Variants in BCOR observed in about 807,000 individuals in gnomAD.
BCOR encodes the protein BCL-6 corepressor.
In BCOR, 10 loss-of-function variants were observed where a neutral mutation model predicts 86.7. The ratio of observed to expected loss-of-function variants is 0.12; its 90% CI spans 0.07 to 0.20. The LOEUF (loss-of-function observed/expected upper bound fraction) is 0.20, where lower values mean the gene tolerates loss of function less well. Among genes scored for constraint, BCOR ranks in the 10% least tolerant of loss-of-function variants. BCOR has a pLI of 1.00. For synonymous variants in BCOR, 611 were observed against 609.0 expected (o/e 1.00, Z -0.05); for missense variants, 1,259 against 1,452.1 (o/e 0.87, Z 2.16).
intron 1 of BCOR, among the ~76,000 whole-genome samples, chrX:40,090,237 C>G (rs1489183003): frequency 8.8e-6 from 1 of 113,172 alleles, no homozygotes; most frequent in Non-Finnish European, 1.9e-5. Flanking sequence ...GCAGTGCGAC[C>G]GAGTGTGCAG....
chrX:40,054,333 T>C lies in BCOR; in HGVS notation c.4742A>G (p.Asp1581Gly). 1 of 1,194,419 alleles carries C rather than the reference T, an allele frequency of 8.4e-7. No individual in the cohort carries two copies. Among genetic ancestry groups the C allele is most frequent in the Non-Finnish European group, 1.1e-6 (1 of 881,349 alleles). ...HSELMEKFLT[D>G]YLNDLQGRND... is the part of the protein sequence containing the mutation. ...GCGACCCTGGAGGTCATTTAAATAA[T>C]CTGGAGGGAGAGAAAAATAAAAAAA... The change falls in exon 13 of 15, where the codon GAT becomes GGT. Residue 1581 changes from aspartate (D) to glycine (G), a missense_variant and splice_region_variant. By Grantham distance (94) the Asp-to-Gly change is moderately conservative. Coordinates refer to ENST00000378444, the MANE Select transcript of BCOR (RefSeq NM_001123385.2).
intron 6 of BCOR, among the ~76,000 whole-genome samples, chrX:40,069,339 C>G (rs1002844615): frequency 8.9e-6 from 1 of 112,141 alleles, no homozygotes; most frequent in African/African-American, 3.2e-5. Flanking sequence ...CTTGCAGGGC[C>G]CTGTCCTGGG....
intron 1 of BCOR, among the ~76,000 whole-genome samples, chrX:40,095,192 C>T (rs1369633431): frequency 8.9e-6 from 1 of 112,005 alleles, no homozygotes; most frequent in Non-Finnish European, 1.9e-5. Context: ...CCAAAATAAA[C>T]ACGAAAACCA....
At chrX:40,171,570 A>G (rs1938621334) in intron 1 of BCOR, among the ~76,000 whole-genome samples, 1 of 111,934 alleles carries the variant, frequency 8.9e-6, no homozygotes, top group South Asian at 3.7e-4. Context: ...AAACTCCGAG[A>G]TTTGCGCTAG....
chrX:40,121,968 G>A (rs948880656), intron 1 of BCOR, among the ~76,000 whole-genome samples: 11 of 111,828 alleles, frequency 9.8e-5, no homozygotes, highest in South Asian at 3.7e-4. Flanking sequence ...CTTGCTGACC[G>A]TTGAAGCTCA....
At chrX:40,160,337 G>T (rs1938387477) in intron 1 of BCOR, among the ~76,000 whole-genome samples, 2 of 110,709 alleles carry the variant, frequency 1.8e-5, no homozygotes, top group South Asian at 3.8e-4. Context: ...AGCCAGGATG[G>T]TCTCCATCTC....
chrX:40,112,719 T>G (rs1215397357), intron 1 of BCOR, among the ~76,000 whole-genome samples: 1 of 111,911 alleles, frequency 8.9e-6, no homozygotes, highest in Admixed American at 9.6e-5. Flanking sequence ...CAGCCACAAC[T>G]GAATTCTAAA....
intron 1 of BCOR, among the ~76,000 whole-genome samples, chrX:40,143,514 C>T (rs1159030633): frequency 8.9e-6 from 1 of 112,398 alleles, no homozygotes; most frequent in Non-Finnish European, 1.9e-5. Flanking sequence ...TTCTCCTAAG[C>T]CTTTGTCTGG....
intron 1 of BCOR, among the ~76,000 whole-genome samples, chrX:40,088,642 C>A (rs1362159094): frequency 8.9e-6 from 1 of 112,410 alleles, no homozygotes; most frequent in African/African-American, 3.2e-5. Flanking sequence ...CCATACAGGT[C>A]TGGTTTTCTT....
intron 1 of BCOR, among the ~76,000 whole-genome samples, chrX:40,133,387 C>T (rs1285357948): frequency 2.7e-5 from 3 of 110,543 alleles, no homozygotes; most frequent in Admixed American, 1.9e-4. Context: ...CCACCCTCCT[C>T]GGCCTCCCGA....
intron 10 of BCOR, among the ~76,000 whole-genome samples, chrX:40,060,579 C>T (rs990840543): frequency 8.9e-6 from 1 of 112,068 alleles, no homozygotes; most frequent in African/African-American, 3.2e-5. Flanking sequence ...TGCCCTGGAG[C>T]CCTCCCTTAC....
intron 1 of BCOR, among the ~76,000 whole-genome samples, chrX:40,106,379 C>T (rs915383232): frequency 8.5e-4 from 95 of 112,159 alleles, no homozygotes; most frequent in Non-Finnish European, 1.5e-3. Context: ...GGGCCGCGGG[C>T]GGCGTGTGCG....
At chrX:40,137,969 T>A (rs1021663003) in intron 1 of BCOR, among the ~76,000 whole-genome samples, 7 of 111,228 alleles carry the variant, frequency 6.3e-5, no homozygotes, top group Non-Finnish European at 1.1e-4. Flanking sequence ...TTTTTTTTTT[T>A]AAGACAGAGT....
chrX:40,077,372 G>GAGCT (rs2147322849), intron 2 of BCOR: 1 of 148,170 alleles, frequency 6.7e-6, no homozygotes, highest in East Asian at 2.1e-4. Flanking sequence ...AAGCATAACA[G>GAGCT]AGCTGTCTGA....
chrX:40,056,535 C>T (rs781280481), intron 11 of BCOR, among the ~76,000 whole-genome samples: 4 of 111,526 alleles, frequency 3.6e-5, no homozygotes, highest in Admixed American at 9.5e-5. Context: ...TGGGTCTCTG[C>T]CCAATCTGAG....
In BCOR at chrX:40,072,750, G is replaced by C; in HGVS notation, c.2596C>G (p.His866Asp). The C allele has an allele frequency of 8.3e-7, 1 of 1,211,818 alleles. No homozygotes were observed. Among genetic ancestry groups the C allele is most frequent in the Non-Finnish European group, 1.1e-6 (1 of 895,571 alleles). ...GGCTGTTTGAAAGTATAAGTTTCGT[G>C]GAAGTCACTGATGCGCCCCAACTCC... ...REELGRISDFHETYTFKQPVF... is the reference protein window; with the variant it reads ...REELGRISDFDETYTFKQPVF... Residue 866 changes from histidine to aspartate, a missense_variant, in exon 4 of 15, where the codon CAC (histidine) becomes GAC (aspartate). His to Asp is a moderately conservative substitution (Grantham distance 81). Around this residue, in one of 7 missense-constraint regions of BCOR, gnomAD observed 534 missense variants for 594.8 expected, o/e 0.90. Coordinates refer to ENST00000378444, the MANE Select transcript of BCOR (RefSeq NM_001123385.2).
intron 1 of BCOR, among the ~76,000 whole-genome samples, chrX:40,078,334 T>C (rs1356115827): frequency 8.9e-6 from 1 of 112,396 alleles, no homozygotes; most frequent in African/African-American, 3.2e-5. Context: ...TAAAGAAGAC[T>C]TGATTCAACA....
intron 1 of BCOR, among the ~76,000 whole-genome samples, chrX:40,163,287 C>T (rs1938454888): frequency 9.0e-6 from 1 of 111,338 alleles, no homozygotes; most frequent in Non-Finnish European, 1.9e-5. Context: ...AGCCTAAAAC[C>T]CATCTGATCC....
rs2147237413 is a variant in BCOR, at chrX:40,073,689, C to T, written c.1657G>A (p.Val553Ile). Residue 553 changes from valine to isoleucine, a missense_variant, in exon 4 of 15, where the codon GTC becomes ATC. Val to Ile is a conservative substitution (Grantham distance 29). Around this residue, in one of 7 missense-constraint regions of BCOR, gnomAD observed 534 missense variants for 594.8 expected, o/e 0.90. Transcript: ENST00000378444. ...SCPRMGGTDA[V>I]ITNVSGSVSS... ...ACTGACCCTGAAACGTTAGTGATGA[C>T]AGCATCGGTGCCGCCCATGCGCGGG... is the stretch of plus-strand genomic sequence containing the variant. The T allele has an allele frequency of 8.2e-7, 1 of 1,212,607 alleles. No homozygotes were observed. Among genetic ancestry groups the T allele is most frequent in the Non-Finnish European group, 1.1e-6 (1 of 895,672 alleles).
Sources: gnomAD v4.1 joint callset for allele counts (sites outside exome capture counted in the v4.1 genomes callset) on GRCh38, gnomAD v4.1.1 for gene constraint, gnomAD v4.1.1 regional missense constraint, MANE v1.5 for transcripts, NCBI Gene and HGNC (gene_info 2026-07-23, HGNC 2026-07-21) for gene names.